Variants in SLC4A10 observed in about 807,000 individuals in gnomAD.
The protein encoded by SLC4A10 is solute carrier family 4 member 10.
A neutral mutation model predicts 137.7 loss-of-function variants in SLC4A10; 42 were observed. The ratio of observed to expected loss-of-function variants is 0.30; its 90% CI spans 0.24 to 0.39. The LOEUF is 0.39. Ranked by LOEUF, SLC4A10 falls within the 10% of genes least tolerant of loss-of-function variation. SLC4A10 has a pLI of 1.00. For missense variants in SLC4A10, 925 were observed against 1,355.0 expected (o/e 0.68, Z 4.98); for synonymous variants, 474 against 464.1 (o/e 1.02, Z -0.27).
chr2:161,981,806 T>C (rs568899628), intron 26 of SLC4A10, among the ~76,000 whole-genome samples: 13 of 152,270 alleles, frequency 8.5e-5, no homozygotes, highest in Admixed American at 3.9e-4. Flanking sequence ...CTGTAAGTAG[T>C]ATGTGCTGAG....
intron 8 of SLC4A10, among the ~76,000 whole-genome samples, chr2:161,877,312 T>C (rs1452101519): frequency 6.6e-6 from 1 of 152,034 alleles, no homozygotes; most frequent in Non-Finnish European, 1.5e-5. Context: ...AAAAAAGATG[T>C]TTTCTCATTT....
chr2:161,763,848 C>G (rs1158404545), intron 1 of SLC4A10, among the ~76,000 whole-genome samples: 1 of 152,072 alleles, frequency 6.6e-6, no homozygotes, highest in East Asian at 1.9e-4. Context: ...GTACATCATA[C>G]TGTCGTAATA....
intron 19 of SLC4A10, among the ~76,000 whole-genome samples, chr2:161,952,975 G>T (rs1212834159): frequency 6.6e-6 from 1 of 152,180 alleles, no homozygotes; most frequent in African/African-American, 2.4e-5. Flanking sequence ...TTCACTAAAA[G>T]ATGTGTTTCT....
At chr2:161,773,425 A>G (rs770951004) in intron 2 of SLC4A10, among the ~76,000 whole-genome samples, 185 of 151,926 alleles carry the variant, frequency 1.2e-3, no homozygotes, top group Non-Finnish European at 5.4e-4. Context: ...GGAAAAGAAC[A>G]AAACTCCAAA....
chr2:161,977,479 A>T (rs946384047), intron 25 of SLC4A10, among the ~76,000 whole-genome samples: 4 of 152,212 alleles, frequency 2.6e-5, no homozygotes, highest in African/African-American at 9.6e-5. Context: ...CTAAATATCA[A>T]CAGTCATCAA....
At chr2:161,906,818 G>T (rs1684483931) in intron 15 of SLC4A10, among the ~76,000 whole-genome samples, 1 of 152,048 alleles carries the variant, frequency 6.6e-6, no homozygotes, top group African/African-American at 2.4e-5. Flanking sequence ...ATGTTGGGAG[G>T]CCGAGGCGGG....
chr2:161,970,660 A>G (rs1698365206), intron 23 of SLC4A10, among the ~76,000 whole-genome samples: 2 of 152,236 alleles, frequency 1.3e-5, no homozygotes, highest in South Asian at 2.1e-4. Flanking sequence ...GAGGGCTCCT[A>G]CATAGATACA....
intron 16 of SLC4A10, among the ~76,000 whole-genome samples, chr2:161,943,812 T>G (rs1693199159): frequency 6.6e-6 from 1 of 151,976 alleles, no homozygotes; most frequent in African/African-American, 2.4e-5. Context: ...CATACTATTT[T>G]AGTAAGTTGT....
chr2:161,923,476 C>A (rs1435844040), intron 15 of SLC4A10, among the ~76,000 whole-genome samples: 2 of 152,098 alleles, frequency 1.3e-5, no homozygotes, highest in African/African-American at 4.8e-5. Context: ...CATTCTAGGA[C>A]TTTTATGTAT....
chr2:161,708,603 G>A, intron 1 of SLC4A10: 4 of 1,320,614 alleles, frequency 3.0e-6, no homozygotes, highest in South Asian at 1.6e-5. Context: ...GCACAGGGGA[G>A]ATGATAAATA....
intron 7 of SLC4A10, among the ~76,000 whole-genome samples, chr2:161,873,005 C>T (rs1448825492): frequency 2.0e-5 from 3 of 152,246 alleles, no homozygotes; most frequent in African/African-American, 4.8e-5. Context: ...TGAGCCACCC[C>T]GCCCGGCCAA....
chr2:161,648,347 C>T (rs1270709485), intron 1 of SLC4A10, among the ~76,000 whole-genome samples: 2 of 152,144 alleles, frequency 1.3e-5, no homozygotes, highest in African/African-American at 4.8e-5. Context: ...TTATTGAAAA[C>T]GTACAGTATA....
chr2:161,656,425 A>C (rs1342680840), intron 1 of SLC4A10, among the ~76,000 whole-genome samples: 1 of 152,166 alleles, frequency 6.6e-6, no homozygotes, highest in African/African-American at 2.4e-5. Context: ...TGGCAATTTA[A>C]ATTAAAAATA....
chr2:161,663,571 A>G (rs1244879516), intron 1 of SLC4A10, among the ~76,000 whole-genome samples: 1 of 152,112 alleles, frequency 6.6e-6, no homozygotes, highest in Non-Finnish European at 1.5e-5. Context: ...TTACTTATTA[A>G]TGAAAGAAAG....
At chr2:161,953,079 TG>T in intron 19 of SLC4A10, among the ~76,000 whole-genome samples, 1 of 152,284 alleles carries the variant, frequency 6.6e-6, no homozygotes, top group East Asian at 1.9e-4. Flanking sequence ...ATTTTTGCCT[TG>T]GTTGGAGCAT....
At chr2:161,678,843 T>G (rs1389488959) in intron 1 of SLC4A10, among the ~76,000 whole-genome samples, 2 of 152,198 alleles carry the variant, frequency 1.3e-5, no homozygotes, top group Admixed American at 1.3e-4. Flanking sequence ...ATACCACAAT[T>G]TATGTATTTC....
chr2:161,653,719 G>T (rs888739802), intron 1 of SLC4A10, among the ~76,000 whole-genome samples: 1 of 152,158 alleles, frequency 6.6e-6, no homozygotes, highest in African/African-American at 2.4e-5. Context: ...AATATGGCAG[G>T]ATATTCTTCT....
intron 11 of SLC4A10, among the ~76,000 whole-genome samples, chr2:161,896,664 A>G (rs548862157): frequency 2.0e-5 from 3 of 152,272 alleles, no homozygotes; most frequent in African/African-American, 4.8e-5. Flanking sequence ...AGAACATTCC[A>G]TGCTCATAAA....
At chr2:161,694,469 T>A (rs1292385416) in intron 1 of SLC4A10, among the ~76,000 whole-genome samples, 1 of 79,448 alleles carries the variant, frequency 1.3e-5, no homozygotes, top group African/African-American at 3.7e-5. Flanking sequence ...TACAGCAGAT[T>A]GTTAAAAAAA....
Sources: gnomAD v4.1 joint callset for allele counts (sites outside exome capture counted in the v4.1 genomes callset) on GRCh38, gnomAD v4.1.1 for gene constraint, MANE v1.5 for transcripts, NCBI Gene and HGNC (gene_info 2026-07-23, HGNC 2026-07-21) for gene names.